Variants in SMCHD1 observed in about 807,000 individuals in gnomAD.
The protein encoded by SMCHD1 is structural maintenance of chromosomes flexible hinge domain-containing protein 1.
SMCHD1 carries 78 observed loss-of-function variants against 254.7 expected under a neutral mutation model. That is an observed-to-expected ratio of 0.31 (90% CI 0.26 to 0.37). The LOEUF (loss-of-function observed/expected upper bound fraction) is 0.37. SMCHD1 is among the 10% of genes least tolerant of loss of function. The pLI, the probability that SMCHD1 is intolerant of heterozygous loss-of-function variation, is 1.00. For synonymous variants in SMCHD1, 766 were observed against 794.9 expected (o/e 0.96, Z 0.61); for missense variants, 1,840 against 2,408.1 (o/e 0.76, Z 4.94).
At chr18:2,707,736 C>T in intron 16 of SMCHD1, 71 bp from the exon 17 acceptor site, 1 of 1,466,686 alleles carries the variant, frequency 6.8e-7, no homozygotes, top group South Asian at 1.2e-5. Flanking sequence ...TATTAAAATG[C>T]AATGGGAAGA....
chr18:2,664,358 T>TG lies in SMCHD1; in HGVS notation c.187-1798dup, dbSNP rs1555624785. 5.5e-3 allele frequency among the ~76,000 whole-genome samples: 700 copies of TG among 128,220 alleles called. 27 individuals are homozygous for TG. The East Asian group carries it at 0.062, about 11-fold the overall frequency. The allele number at this position is 128,220 out of a possible 152,430, so 84.1% of individuals were successfully genotyped here. On this transcript the variant is annotated intron_variant, in intron 1 of 47. Transcript: ENST00000320876. ...TCTGACATAGTCCTCACATTAAATT[T>TG]GTTTTTTTTTTGTTTCCTAATTATT...
At position 2,795,988 on chromosome 18, in the gene SMCHD1, A is replaced by G. The variant is rs1226557930; in HGVS notation, c.5759A>G (p.Asp1920Gly). The G allele has an allele frequency of 6.3e-7, 1 of 1,598,384 alleles. No individual in the cohort carries two copies. The highest frequency in any genetic ancestry group is 8.5e-7 in the Non-Finnish European group (1 of 1,172,102). ...QQYRSAVCKL[D>G]SVNKDLNSQL... Reference sequence around the variant, plus strand: ...TATCGTTCTGCTGTGTGCAAACTAGACAGTGTGAATAAGGATCTTAACAGT... The same window carrying G: ...TATCGTTCTGCTGTGTGCAAACTAGGCAGTGTGAATAAGGATCTTAACAGT... Residue 1920 changes from aspartate to glycine, a missense_variant, in exon 46 of 48, where the codon GAC (aspartate) becomes GGC (glycine). Physicochemically the swap from Asp to Gly is moderately conservative, Grantham distance 94 (BLOSUM62 -1). Around this residue, in one of 9 missense-constraint regions of SMCHD1, gnomAD observed 132 missense variants for 138.2 expected, o/e 0.95. Transcript: ENST00000320876.
intron 47 of SMCHD1, chr18:2,801,330 C>G (rs969474995): frequency 2.6e-5 from 4 of 152,138 alleles, no homozygotes; most frequent in African/African-American, 9.7e-5. Flanking sequence ...CATGGGGAGA[C>G]ACACACACAA....
intron 42 of SMCHD1, among the ~76,000 whole-genome samples, chr18:2,776,438 G>A (rs2076067725): frequency 6.6e-6 from 1 of 151,168 alleles, no homozygotes; most frequent in South Asian, 2.1e-4. Context: ...CAAACTTTTG[G>A]GCTCAAGCAG....
chr18:2,764,665 A>G (rs771636379), intron 37 of SMCHD1, among the ~76,000 whole-genome samples: 3 of 152,148 alleles, frequency 2.0e-5, no homozygotes, highest in Non-Finnish European at 2.9e-5. Flanking sequence ...TACAACAACT[A>G]TTTTCATAGC....
chr18:2,706,481 C>T lies in SMCHD1; in HGVS notation c.2063+11C>T. 6.5e-7 allele frequency: 1 copy of T among 1,535,300 alleles called. No individual in the cohort carries two copies. ...AGATGAAATGGCAAGGTAAGTCACA[C>T]TTCAAGATGCATGACAAAAATAAGA... is the stretch of plus-strand genomic sequence containing the variant. On this transcript the variant is annotated intron_variant, in intron 15 of 47. Coordinates refer to ENST00000320876, the MANE Select transcript of SMCHD1 (RefSeq NM_015295.3).
Position 2,703,823 on chromosome 18 carries a change from A to G in SMCHD1, c.1779A>G (p.Gln593=). The part of the protein sequence containing the change: ...ITRPDLPSKK[Q]GPWATYAAIE... ...GTCCTGATCTTCCTTCTAAAAAGCAAGGTCCCTGGGCAACATATGCAGCAA... is the reference window on the plus strand; with the variant it reads ...GTCCTGATCTTCCTTCTAAAAAGCAGGGTCCCTGGGCAACATATGCAGCAA... The change falls in exon 13 of 48, where the codon CAA becomes CAG. Residue 593 remains glutamine (Q), a synonymous_variant. Coordinates refer to ENST00000320876, the MANE Select transcript of SMCHD1 (RefSeq NM_015295.3). 1 of 1,613,118 alleles carries G rather than the reference A, an allele frequency of 6.2e-7. No homozygotes were observed. Among genetic ancestry groups the G allele is most frequent in the South Asian group, 1.1e-5 (1 of 91,048 alleles).
Position 2,662,690 on chromosome 18 carries a change from AG to A in SMCHD1, c.187-3464del, listed in dbSNP as rs1252457513. ...ACCAAAAAAAAAAAAAAAAAAAAAAAGGGACATCATAGAAATAAAAAAGTAG... is the reference window on the plus strand; with the variant it reads ...ACCAAAAAAAAAAAAAAAAAAAAAAAGGACATCATAGAAATAAAAAAGTAG... On this transcript the variant is annotated intron_variant, in intron 1 of 47. Transcript: ENST00000320876. 1.1e-3 allele frequency among the ~76,000 whole-genome samples: 167 copies of A among 146,840 alleles called. 1 individual carries two copies. Among genetic ancestry groups the A allele is most frequent in the African/African-American group, 3.8e-3 (150 of 39,580 alleles).
At chr18:2,736,804 C>G (rs2075259102) in intron 25 of SMCHD1, among the ~76,000 whole-genome samples, 1 of 152,168 alleles carries the variant, frequency 6.6e-6, no homozygotes, top group Admixed American at 6.5e-5. Flanking sequence ...GTCGGTTGGA[C>G]TGTAAATTAG....
chr18:2,732,662 A>T (rs563630649), intron 25 of SMCHD1, among the ~76,000 whole-genome samples, 170 bp downstream of exon 25: 1 of 152,324 alleles, frequency 6.6e-6, no homozygotes, highest in South Asian at 2.1e-4. Flanking sequence ...GAATAGGTTG[A>T]AATGCAAATG....
chr18:2,738,287 C>T, intron 25 of SMCHD1, 110 bp from the exon 26 acceptor site: 1 of 1,007,072 alleles, frequency 9.9e-7, no homozygotes, highest in Non-Finnish European at 1.4e-6. Context: ...AGACTTTTTT[C>T]TTGGGGGTGA....
intron 44 of SMCHD1, among the ~76,000 whole-genome samples, chr18:2,780,238 T>TAAAAAAAAAAAAAAAAAAAAA (rs56804553): frequency 1.4e-5 from 1 of 69,352 alleles, no homozygotes; most frequent in Non-Finnish European, 2.5e-5. Flanking sequence ...AGACTCTATC[T>TAAAAAAAAAAAAAAAAAAAAA]AAAAAAAAAA....
chr18:2,775,653 C>A, intron 41 of SMCHD1, 81 bp from the exon 42 acceptor site: 1,079 of 1,122,358 alleles, frequency 9.6e-4, no homozygotes, highest in East Asian at 2.6e-3. Flanking sequence ...GTTTTTGTTA[C>A]CTAGGCTTGG....
rs71159005 is a variant in SMCHD1, at chr18:2,748,378, G to GTA, written c.3927+732_3927+733insAT. ...TGTGTGTGTGTGTGTGTGTGTGTGT[G>GTA]TGTGTATATAAATTTTTTTTTTTTT... On this transcript the variant is annotated intron_variant, in intron 30 of 47. Coordinates refer to ENST00000320876, the MANE Select transcript of SMCHD1 (RefSeq NM_015295.3). Among the ~76,000 whole-genome samples, 9 of 55,846 alleles carry GTA rather than the reference G, an allele frequency of 1.6e-4. 1 individual carries two copies. The highest frequency in any genetic ancestry group is 6.3e-4 in the African/African-American group (6 of 9,552). The allele number at this position is 55,846 out of a possible 152,430, so 36.6% of individuals were successfully genotyped here. A position where few individuals can be genotyped will look rare whatever the true frequency, so the allele number is the denominator to read the frequency against.
Position 2,698,023 on chromosome 18 carries a change from G to A in SMCHD1, c.1324G>A (p.Asp442Asn). The change falls in exon 10 of 48, where the codon GAT becomes AAT. Residue 442 changes from aspartate to asparagine, a missense_variant. By Grantham distance (23) the Asp-to-Asn change is conservative. This residue lies in a region of SMCHD1 where 498 missense variants were observed against 743.5 expected (regional missense o/e 0.67). Coordinates refer to ENST00000320876, the MANE Select transcript of SMCHD1 (RefSeq NM_015295.3). ...FLYDRETYPD[D>N]PCFPSKLKDE... ...ATATGATAGAGAAACTTACCCTGAT[G>A]ATCCATGCTTTCCATCAAGTATGTT... The A allele has an allele frequency of 6.2e-7, 1 of 1,611,506 alleles. No homozygotes were observed. The highest frequency in any genetic ancestry group is 1.3e-5 in the African/African-American group (1 of 74,988).
chr18:2,739,552 CA>C (rs916727179), intron 27 of SMCHD1, 32 bp downstream of exon 27: 2 of 1,539,254 alleles, frequency 1.3e-6, no homozygotes, highest in African/African-American at 1.4e-5. Flanking sequence ...AAACAAACAA[CA>C]AAAAAATCTT....
chr18:2,656,870 T>A (rs1265382003), intron 1 of SMCHD1, among the ~76,000 whole-genome samples: 1 of 152,194 alleles, frequency 6.6e-6, no homozygotes, highest in Non-Finnish European at 1.5e-5. Flanking sequence ...TCTGCCTGTC[T>A]GAGCCCTAAC....
chr18:2,720,168 T>C (rs1568229708), intron 19 of SMCHD1, among the ~76,000 whole-genome samples: 1 of 152,176 alleles, frequency 6.6e-6, no homozygotes, highest in African/African-American at 2.4e-5. Flanking sequence ...GATGTTGGAT[T>C]TCAGGATTGG....
At chr18:2,764,543 AG>A (rs1466287242) in intron 37 of SMCHD1, among the ~76,000 whole-genome samples, 1 of 152,178 alleles carries the variant, frequency 6.6e-6, no homozygotes, top group East Asian at 1.9e-4. Flanking sequence ...TTCTATGTAT[AG>A]TCAGCCCCCC....
Sources: gnomAD v4.1 joint callset for allele counts (sites outside exome capture counted in the v4.1 genomes callset) on GRCh38, gnomAD v4.1.1 for gene constraint, gnomAD v4.1.1 regional missense constraint, MANE v1.5 for transcripts, NCBI Gene and HGNC (gene_info 2026-07-23, HGNC 2026-07-21) for gene names.